Variants in UNC79 observed in about 807,000 individuals in gnomAD.
UNC79 encodes the protein unc-79 subunit of NALCN channel complex, also known as protein unc-79 homolog.
In UNC79, 37 loss-of-function variants were observed where a neutral mutation model predicts 283.1. The ratio of observed to expected loss-of-function variants is 0.13; its 90% CI spans 0.10 to 0.17. UNC79 has a LOEUF of 0.17. Among genes scored for constraint, UNC79 ranks in the 10% least tolerant of loss-of-function variants. The pLI, the probability that UNC79 is intolerant of heterozygous loss-of-function variation, is 1.00. For missense variants in UNC79, 2,272 were observed against 3,211.1 expected (o/e 0.71, Z 7.07); for synonymous variants, 1,107 against 1,200.2 (o/e 0.92, Z 1.61).
At chr14:93,582,970 G>A (rs1053548666) in intron 20 of UNC79, among the ~76,000 whole-genome samples, 8 of 152,180 alleles carry the variant, frequency 5.3e-5, no homozygotes, top group African/African-American at 1.9e-4. Flanking sequence ...TATGAGACCT[G>A]GGGCAAATTT....
chr14:93,479,187 C>CCTTT (rs1262966990), intron 4 of UNC79, among the ~76,000 whole-genome samples: 1 of 132,002 alleles, frequency 7.6e-6, no homozygotes, highest in East Asian at 2.0e-4. Flanking sequence ...TTCCTTCCTT[C>CCTTT]CTTCCTTCCT....
At chr14:93,640,834 A>G (rs574667601) in intron 32 of UNC79, among the ~76,000 whole-genome samples, 6 of 152,288 alleles carry the variant, frequency 3.9e-5, no homozygotes, top group Middle Eastern at 3.4e-3. Flanking sequence ...GTACCCTTGA[A>G]TAGATTTTCC....
intron 34 of UNC79, among the ~76,000 whole-genome samples, chr14:93,645,873 T>A (rs1273357797): frequency 6.6e-6 from 1 of 152,128 alleles, no homozygotes; most frequent in Non-Finnish European, 1.5e-5. Flanking sequence ...GACCCCCTAT[T>A]CTTCTCTAAG....
intron 1 of UNC79, among the ~76,000 whole-genome samples, chr14:93,444,045 G>A (rs187740036): frequency 1.0e-3 from 156 of 152,302 alleles, no homozygotes; most frequent in Non-Finnish European, 1.9e-3. Flanking sequence ...GTGGCTGTAA[G>A]GTTTTATGTT....
chr14:93,407,022 C>T (rs945460348), intron 1 of UNC79, among the ~76,000 whole-genome samples: 1 of 152,100 alleles, frequency 6.6e-6, no homozygotes, highest in African/African-American at 2.4e-5. Flanking sequence ...TCTTGGTATT[C>T]CTTGGTTTGT....
At chr14:93,599,708 A>C (rs903029541) in intron 24 of UNC79, among the ~76,000 whole-genome samples, 4 of 152,226 alleles carry the variant, frequency 2.6e-5, no homozygotes, top group African/African-American at 7.2e-5. Context: ...TGGTAAACTC[A>C]GACACTAGAG....
At position 93,357,337 on chromosome 14, in the gene UNC79, G is replaced by A. The variant is rs151101411; in HGVS notation, c.-351+23814G>A. Among the ~76,000 whole-genome samples, 403 of 152,238 alleles carry A rather than the reference G, an allele frequency of 2.6e-3. 1 individual carries two copies. Among genetic ancestry groups the A allele is most frequent in the African/African-American group, 9.3e-3 (385 of 41,542 alleles). ...AGTTTATTGGATTGAAGGATGCAAA[G>A]TATTGGTCCTGGGTGTGTCTGTGAG... On this transcript the variant is annotated intron_variant, in intron 1 of 49. Transcript: ENST00000256339.
chr14:93,555,503 A>T (rs1450548883), intron 14 of UNC79, among the ~76,000 whole-genome samples: 1 of 152,114 alleles, frequency 6.6e-6, no homozygotes, highest in Non-Finnish European at 1.5e-5. Flanking sequence ...TCCTGGGTTC[A>T]GGTGATTATC....
intron 10 of UNC79, among the ~76,000 whole-genome samples, chr14:93,529,589 A>G (rs139413061): frequency 7.0e-4 from 106 of 152,314 alleles, no homozygotes; most frequent in African/African-American, 2.5e-3. Context: ...GCCCTGCCAA[A>G]TTATGTCTTC....
At chr14:93,500,762 ACATTTTTCTACTTTAACTGTGTTACAT>A (rs2059242830) in intron 7 of UNC79, among the ~76,000 whole-genome samples, 1 of 152,222 alleles carries the variant, frequency 6.6e-6, no homozygotes, top group South Asian at 2.1e-4. Context: ...TTTGAGCCCC[ACATTTTTCTACTTTAACTGTGTTACAT>A]CACTTTTTTC....
intron 40 of UNC79, among the ~76,000 whole-genome samples, chr14:93,664,862 A>G (rs774258144): frequency 6.6e-6 from 1 of 152,132 alleles, no homozygotes; most frequent in African/African-American, 2.4e-5. Flanking sequence ...GGAGGAATAT[A>G]TCTCCAACCT....
At position 93,648,709 on chromosome 14, in the gene UNC79, A is replaced by G. The variant is rs571844004; in HGVS notation, c.6083+2063A>G. Among the ~76,000 whole-genome samples, 4 of 152,214 alleles carry G rather than the reference A, an allele frequency of 2.6e-5. No individual in the cohort carries two copies. The East Asian group carries it at 5.8e-4, about 22-fold the overall frequency. On this transcript the variant is annotated intron_variant, in intron 35 of 48. Coordinates refer to ENST00000555664, the Ensembl canonical transcript of UNC79. ...AATGAGGGGAGGGCTTCCCTTAAGA[A>G]GTGATGTTTAAACTAAGATCTGAAA...
chr14:93,662,688 G>A, exon 40 of UNC79: 2 of 1,610,120 alleles, frequency 1.2e-6, no homozygotes, highest in Non-Finnish European at 1.7e-6. Context: ...GGAGCTGTGT[G>A]GCTTATGTTA....
chr14:93,476,937 A>G (rs2057834387), intron 3 of UNC79, among the ~76,000 whole-genome samples: 1 of 152,204 alleles, frequency 6.6e-6, no homozygotes, highest in Non-Finnish European at 1.5e-5. Flanking sequence ...AAAACCTCCT[A>G]ACAATCCTTC....
intron 14 of UNC79, among the ~76,000 whole-genome samples, chr14:93,561,954 T>G (rs1463480736): frequency 6.6e-6 from 1 of 152,192 alleles, no homozygotes; most frequent in East Asian, 1.9e-4. Context: ...GGTGACTGCA[T>G]AAAGCCCTGT....
chr14:93,589,469 T>C (rs79891071), intron 22 of UNC79, among the ~76,000 whole-genome samples: 2,217 of 151,976 alleles, frequency 0.015, 55 homozygotes, highest in African/African-American at 0.051. Context: ...CTCAGCCTTA[T>C]AGAGGGGAGG....
intron 4 of UNC79, among the ~76,000 whole-genome samples, chr14:93,484,017 T>C (rs1472803899): frequency 6.6e-5 from 10 of 152,194 alleles, no homozygotes; most frequent in Non-Finnish European, 1.5e-4. Flanking sequence ...CATGTGTCTT[T>C]ATAGCAGCAT....
At chr14:93,606,723 ACT>A (rs1410669809) in intron 26 of UNC79, among the ~76,000 whole-genome samples, 1 of 152,086 alleles carries the variant, frequency 6.6e-6, no homozygotes, top group African/African-American at 2.4e-5. Flanking sequence ...ACAATTTATG[ACT>A]CTCTGATCTT....
chr14:93,607,615 A>G (rs577500174), intron 26 of UNC79, among the ~76,000 whole-genome samples: 2 of 152,344 alleles, frequency 1.3e-5, no homozygotes, highest in East Asian at 1.9e-4. Flanking sequence ...GCTTAAGGCC[A>G]TGAGTGTCCA....
Sources: gnomAD v4.1 joint callset for allele counts (sites outside exome capture counted in the v4.1 genomes callset) on GRCh38, gnomAD v4.1.1 for gene constraint, MANE v1.5 for transcripts, NCBI Gene and HGNC (gene_info 2026-07-23, HGNC 2026-07-21) for gene names.